Variants in RBPJ observed in about 807,000 individuals in gnomAD.
RBPJ encodes the protein recombining binding protein suppressor of hairless.
In RBPJ, 9 loss-of-function variants were observed where a neutral mutation model predicts 67.8. The observed-to-expected ratio is 0.13, with a 90% CI of 0.08 to 0.23. RBPJ has a LOEUF of 0.23. RBPJ is among the 10% of genes least tolerant of loss of function. The probability of loss-of-function intolerance (pLI) is 1.00; values close to 1 mark genes in which losing one functional copy is unlikely to be tolerated. For synonymous variants in RBPJ, 198 were observed against 203.3 expected (o/e 0.97, Z 0.22); for missense variants, 305 against 595.6 (o/e 0.51, Z 5.08).
chr4:26,138,451 C>A, the RBPJ span, among the ~76,000 whole-genome samples: 2 of 151,822 alleles, frequency 1.3e-5, no homozygotes, highest in African/African-American at 4.8e-5. Context: ...TTCTTGGTAG[C>A]TGCTCTGGAA....
intron 1 of RBPJ, among the ~76,000 whole-genome samples, chr4:26,200,855 C>A (rs1371124229): frequency 6.6e-6 from 1 of 152,074 alleles, no homozygotes; most frequent in African/African-American, 2.4e-5. Context: ...TATTTCACCC[C>A]TTTCATGTTA....
intron 1 of RBPJ, among the ~76,000 whole-genome samples, chr4:26,217,468 T>C (rs1486652185): frequency 6.6e-6 from 1 of 152,046 alleles, no homozygotes; most frequent in Non-Finnish European, 1.5e-5. Flanking sequence ...CTCATTCTGG[T>C]ATTTTTATGG....
intron 1 of RBPJ, among the ~76,000 whole-genome samples, chr4:26,277,779 T>C (rs1202428501): frequency 6.6e-6 from 1 of 152,230 alleles, no homozygotes; most frequent in Non-Finnish European, 1.5e-5. Flanking sequence ...CTCCTGACCC[T>C]CTCTAGCCCC....
chr4:26,394,637 C>T (rs550095746), intron 2 of RBPJ, among the ~76,000 whole-genome samples: 34 of 152,072 alleles, frequency 2.2e-4, no homozygotes, highest in African/African-American at 3.6e-4. Flanking sequence ...CTTAGTGTGT[C>T]GAGTGGAGGT....
At chr4:26,218,366 G>C (rs1341730138) in intron 1 of RBPJ, among the ~76,000 whole-genome samples, 1 of 152,126 alleles carries the variant, frequency 6.6e-6, no homozygotes, top group Non-Finnish European at 1.5e-5. Flanking sequence ...GCCGCCTGAG[G>C]AAACTCCCCA....
At chr4:26,116,412 C>T in the RBPJ span, among the ~76,000 whole-genome samples, 1 of 152,184 alleles carries the variant, frequency 6.6e-6, no homozygotes, top group East Asian at 1.9e-4. Context: ...GAGTACTGGC[C>T]TGAGGGCAGC....
intron 1 of RBPJ, among the ~76,000 whole-genome samples, chr4:26,276,995 G>A (rs188207769): frequency 6.6e-6 from 1 of 152,030 alleles, no homozygotes; most frequent in Non-Finnish European, 1.5e-5. Context: ...GAAAAACCTG[G>A]CTGGGTGCAG....
rs1253842673 is a variant in RBPJ at position 26,214,788 on chromosome 4, AGAG to A, written c.-167+51175_-167+51177del. 9.5e-3 allele frequency among the ~76,000 whole-genome samples: 1,118 copies of A among 117,094 alleles called. 20 individuals are homozygous for A. Among genetic ancestry groups the A allele is most frequent in the African/African-American group, 0.035 (1,055 of 29,738 alleles). 76.8% of individuals were successfully genotyped at this position (117,094 alleles called of 152,430 possible). ...AAAAAAGAGAAAGAAAGAAAGAAAA[AGAG>A]AAGGAAGGAAGGGAAAAGAGAGAGA... On this transcript the variant is annotated intron_variant, in intron 1 of 4. Transcript: ENST00000512351.
At chr4:26,295,081 C>T (rs1181665984) in intron 1 of RBPJ, among the ~76,000 whole-genome samples, 1 of 152,030 alleles carries the variant, frequency 6.6e-6, no homozygotes, top group Non-Finnish European at 1.5e-5. Context: ...GGGTTTTGGG[C>T]TTTGGGACAA....
chr4:26,184,421 A>C (rs182126568), intron 1 of RBPJ, among the ~76,000 whole-genome samples: 242 of 152,204 alleles, frequency 1.6e-3, no homozygotes, highest in African/African-American at 5.1e-3. Flanking sequence ...CGAAACATCA[A>C]GGATGGAGAG....
chr4:26,220,107 CTCT>C (rs1157035108), intron 1 of RBPJ, among the ~76,000 whole-genome samples: 1 of 152,114 alleles, frequency 6.6e-6, no homozygotes, highest in East Asian at 1.9e-4. Flanking sequence ...AAGCAAGGGA[CTCT>C]TCTTCAGAGT....
intron 1 of RBPJ, among the ~76,000 whole-genome samples, chr4:26,271,378 C>A (rs940176537): frequency 6.6e-5 from 10 of 152,070 alleles, no homozygotes; most frequent in East Asian, 1.9e-4. Context: ...GTCTTATATT[C>A]CCTCTTCATA....
chr4:26,145,251 ACT>A, the RBPJ span, among the ~76,000 whole-genome samples: 3 of 151,756 alleles, frequency 2.0e-5, no homozygotes, highest in Non-Finnish European at 4.4e-5. Context: ...GAACTTTTAA[ACT>A]CTGTTGGAGT....
chr4:26,357,929 A>G (rs1727581353), intron 1 of RBPJ, among the ~76,000 whole-genome samples: 2 of 151,998 alleles, frequency 1.3e-5, no homozygotes, highest in Admixed American at 1.3e-4. Flanking sequence ...ATAGTATTCC[A>G]TTCTATGCAT....
the RBPJ span, among the ~76,000 whole-genome samples, chr4:26,110,683 C>T: frequency 6.6e-6 from 1 of 152,196 alleles, no homozygotes; most frequent in Non-Finnish European, 1.5e-5. The surrounding 1 kb of genome is among the most constrained non-coding windows in gnomAD (Gnocchi z 4.5). Context: ...GAATCAGAGG[C>T]ACCATGTTGA....
chr4:26,140,832 C>CATAAATAAATAAATAAATAA, the RBPJ span, among the ~76,000 whole-genome samples: 2 of 40,624 alleles, frequency 4.9e-5, no homozygotes, highest in East Asian at 6.7e-4. Context: ...CTGACCCTTC[C>CATAAATAAATAAATAAATAA]ACAAATAAAT....
At chr4:26,345,525 G>T (rs1726039596) in intron 1 of RBPJ, among the ~76,000 whole-genome samples, 4 of 152,130 alleles carry the variant, frequency 2.6e-5, no homozygotes, top group Admixed American at 2.0e-4. Flanking sequence ...GATCACACCT[G>T]GTAACAGAAT....
In RBPJ at chr4:26,253,645, A is replaced by G; in HGVS notation, c.-167+90031A>G. 1.4e-5 allele frequency among the ~76,000 whole-genome samples: 2 copies of G among 140,220 alleles called. 1 individual carries two copies. The highest frequency in any genetic ancestry group is 6.5e-5 in the African/African-American group (2 of 30,834). 92.0% of individuals were successfully genotyped at this position (140,220 alleles called of 152,430 possible). On this transcript the variant is annotated intron_variant, in intron 1 of 4. Coordinates refer to the RBPJ transcript ENST00000512351. ...CTAAAACCTTTCAGCCCATTTTTAG[A>G]GAGTATATTTTGCTGATTTTCCTCC...
the RBPJ span, among the ~76,000 whole-genome samples, chr4:26,158,423 G>C: frequency 6.6e-6 from 1 of 152,182 alleles, no homozygotes. Context: ...TTACCCTCAA[G>C]ATAGCTAGAG....
Sources: gnomAD v4.1 joint callset for allele counts (sites outside exome capture counted in the v4.1 genomes callset) on GRCh38, gnomAD v4.1.1 for gene constraint, Gnocchi (gnomAD v3.1) non-coding constraint, MANE v1.5 for transcripts, NCBI Gene and HGNC (gene_info 2026-07-23, HGNC 2026-07-21) for gene names.